The following KDM6A variants were observed in gnomAD, a reference collection of about 807,000 sequenced individuals.
The protein encoded by KDM6A is lysine demethylase 6A.
Under a neutral mutation model 117.6 loss-of-function variants are expected in KDM6A, and 11 were observed. The ratio of observed to expected loss-of-function variants is 0.09; its 90% CI spans 0.06 to 0.15. The LOEUF is 0.15. KDM6A is among the 10% of genes least tolerant of loss of function. KDM6A has a pLI of 1.00. For synonymous variants in KDM6A, 384 were observed against 396.1 expected, an observed-to-expected ratio of 0.97 and a Z score of 0.36; for missense variants, 799 against 1,077.3, an observed-to-expected ratio of 0.74 and a Z score of 3.62.
chrX:44,939,763 A>C (rs5952656), intron 2 of KDM6A, among the ~76,000 whole-genome samples: 24,217 of 110,764 alleles, frequency 0.22, 4,333 homozygotes, highest in African/African-American at 0.61. Flanking sequence ...GCCACCCTAA[A>C]CTTCAGCAAC....
At chrX:45,043,500 G>A (rs2043382277) in intron 8 of KDM6A, among the ~76,000 whole-genome samples, 1 of 109,727 alleles carries the variant, frequency 9.1e-6, no homozygotes, top group South Asian at 3.9e-4. Flanking sequence ...AGATTGGCCG[G>A]GTGTGGTGAC....
chrX:44,957,451 A>G (rs1431259751), intron 2 of KDM6A, among the ~76,000 whole-genome samples: 1 of 112,416 alleles, frequency 8.9e-6, no homozygotes, highest in African/African-American at 3.2e-5. Flanking sequence ...CACAAGCTCA[A>G]AACTTCACCT....
Position 44,873,538 on chromosome X carries a change from T to C in KDM6A, c.-14T>C. ...GGGGTGTCGGCGTTGGAGTTGTGAATTCGCTGCGTTTCCATGAAATCCTGC... is the reference window on the plus strand; with the variant it reads ...GGGGTGTCGGCGTTGGAGTTGTGAACTCGCTGCGTTTCCATGAAATCCTGC... On this transcript the variant is annotated 5_prime_UTR_variant, in exon 1 of 30. Coordinates refer to ENST00000611820, the MANE Select transcript of KDM6A (RefSeq NM_001291415.2). 8.3e-7 allele frequency: 1 copy of C among 1,206,264 alleles called. No homozygotes were observed. The highest frequency in any genetic ancestry group is 1.1e-6 in the Non-Finnish European group (1 of 893,846).
chrX:45,093,454 C>A (rs1465813602), intron 27 of KDM6A, among the ~76,000 whole-genome samples: 2 of 108,998 alleles, frequency 1.8e-5, no homozygotes, highest in African/African-American at 6.7e-5. Context: ...AAGGGGTAAG[C>A]TTAGAAGTAG....
intron 10 of KDM6A, among the ~76,000 whole-genome samples, chrX:45,057,056 AC>A (rs2044103169): frequency 1.8e-5 from 2 of 111,345 alleles, no homozygotes; most frequent in African/African-American, 6.5e-5. Context: ...GACATTTCTT[AC>A]ATCTTTCAAA....
chrX:45,090,711 T>C lies in KDM6A; in HGVS notation c.3893-12T>C. On this transcript the variant is annotated splice_polypyrimidine_tract_variant and intron_variant, in intron 26 of 29. Transcript: ENST00000611820. The stretch of plus-strand genomic sequence containing the variant: ...CTTTGGGTTGCTTTATAACTGTTTT[T>C]TTTTTTCCTAGCCTGCCAGTATAAA... 1 of 1,209,636 alleles carries C rather than the reference T, an allele frequency of 8.3e-7. No individual in the cohort carries two copies. Among genetic ancestry groups the C allele is most frequent in the South Asian group, 1.8e-5 (1 of 56,818 alleles).
rs2148039305 is a variant in KDM6A at position 45,069,755 on chromosome X, C to T, written c.2256C>T (p.Ser752=). ...AGGGGGCTGCTCTCAATCACCTCTC[C>T]TCTCACACTGCTACCTCAGGTGGAC... The part of the protein sequence containing the change: ...VTQGAALNHL[S]SHTATSGGQQ... Residue 752 remains serine, a synonymous_variant, in exon 18 of 30, where the codon TCC becomes TCT. Coordinates refer to ENST00000611820, the MANE Select transcript of KDM6A (RefSeq NM_001291415.2). 8.3e-7 allele frequency: 1 copy of T among 1,210,436 alleles called. No homozygotes were observed. Among genetic ancestry groups the T allele is most frequent in the Non-Finnish European group, 1.1e-6 (1 of 894,787 alleles).
intron 4 of KDM6A, among the ~76,000 whole-genome samples, chrX:45,008,332 C>T (rs1391288695): frequency 9.0e-6 from 1 of 111,036 alleles, no homozygotes. Flanking sequence ...CGAGATCGCA[C>T]CACTGCACTC....
intron 18 of KDM6A, among the ~76,000 whole-genome samples, chrX:45,075,641 C>G (rs1434187776): frequency 1.8e-5 from 2 of 111,163 alleles, no homozygotes; most frequent in African/African-American, 3.3e-5. Flanking sequence ...AAGTCTATGG[C>G]AGTGAAGGTT....
intron 18 of KDM6A, among the ~76,000 whole-genome samples, chrX:45,074,380 TAA>T (rs777375247): frequency 6.1e-4 from 69 of 112,351 alleles, no homozygotes; most frequent in African/African-American, 2.1e-3. Flanking sequence ...ACATAGAAGA[TAA>T]AGTCTATTCC....
chrX:45,087,377 CAA>C (rs999490150), intron 25 of KDM6A, among the ~76,000 whole-genome samples: 1 of 112,691 alleles, frequency 8.9e-6, no homozygotes, highest in African/African-American at 3.2e-5. Context: ...AGTTGAAAAA[CAA>C]AAAAATATAT....
intron 3 of KDM6A, among the ~76,000 whole-genome samples, chrX:44,963,483 G>GTGTGTGTGTCTGTCTGTC (rs1481840859): frequency 0.013 from 518 of 40,834 alleles, 7 homozygotes; most frequent in African/African-American, 0.036. Flanking sequence ...GTGTGTGTGT[G>GTGTGTGTGTCTGTCTGTC]TGTCTGTCTG....
intron 2 of KDM6A, among the ~76,000 whole-genome samples, chrX:44,930,489 A>T (rs1295535459): frequency 8.9e-6 from 1 of 111,762 alleles, no homozygotes; most frequent in African/African-American, 3.3e-5. Context: ...TCACTATAGG[A>T]ACTCTACCTT....
At chrX:44,956,389 T>C (rs769680125) in intron 2 of KDM6A, among the ~76,000 whole-genome samples, 26 of 111,007 alleles carry the variant, frequency 2.3e-4, no homozygotes, top group Middle Eastern at 9.2e-3. Context: ...CTTTTTCCTC[T>C]TCCTCTTCCT....
intron 2 of KDM6A, among the ~76,000 whole-genome samples, chrX:44,936,325 T>A (rs1443244448): frequency 9.1e-6 from 1 of 110,466 alleles, no homozygotes; most frequent in African/African-American, 3.3e-5. Flanking sequence ...AAGGTAATAT[T>A]TTTTTTTTCA....
intron 27 of KDM6A, chrX:45,107,157 C>A: frequency 3.2e-6 from 1 of 314,184 alleles, no homozygotes; most frequent in Non-Finnish European, 5.6e-6. Flanking sequence ...TTTTTATGTA[C>A]TAAGACCATT....
intron 2 of KDM6A, among the ~76,000 whole-genome samples, chrX:44,947,583 A>G (rs915982846): frequency 6.7e-4 from 73 of 109,529 alleles, no homozygotes; most frequent in African/African-American, 2.4e-3. Context: ...TCACCGTGTT[A>G]GCCAGGATGG....
intron 8 of KDM6A, among the ~76,000 whole-genome samples, chrX:45,047,274 A>G (rs1166724948): frequency 2.8e-5 from 3 of 108,651 alleles, no homozygotes; most frequent in Non-Finnish European, 5.7e-5. Context: ...TTGATTTGTC[A>G]AATATTTTTT....
intron 27 of KDM6A, among the ~76,000 whole-genome samples, chrX:45,097,963 AG>A (rs1569540736): frequency 2.7e-5 from 3 of 112,446 alleles, no homozygotes; most frequent in African/African-American, 9.7e-5. Context: ...TTGATAATGC[AG>A]TGAACTTGAC....
Sources: allele counts gnomAD v4.1 joint callset (sites outside exome capture counted in the v4.1 genomes callset), GRCh38; gene constraint gnomAD v4.1.1; transcripts MANE v1.5; gene names NCBI Gene and HGNC (gene_info 2026-07-23, HGNC 2026-07-21).